Variants in CSF2RB observed in about 807,000 individuals in gnomAD.
CSF2RB encodes cytokine receptor common subunit beta.
A neutral mutation model predicts 67.2 loss-of-function variants in CSF2RB; 22 were observed. That is an observed-to-expected ratio of 0.33 (90% confidence interval 0.23 to 0.47). CSF2RB has a LOEUF of 0.47. CSF2RB is among the 20% of genes least tolerant of loss of function. The pLI is 1.00. For synonymous variants in CSF2RB, 507 were observed against 482.9 expected (o/e 1.05, Z -0.65); for missense variants, 1,113 against 1,174.5 (o/e 0.95, Z 0.76).
intron 3 of CSF2RB, among the ~76,000 whole-genome samples, chr22:36,924,956 T>C (rs1940976265): frequency 6.6e-6 from 1 of 152,070 alleles, no homozygotes; most frequent in Admixed American, 6.5e-5. Flanking sequence ...CTCCCAAAGG[T>C]GACCTCAAGC....
At chr22:36,935,472 A>C (rs771743585) in intron 11 of CSF2RB, 31 bp downstream of exon 11, 15 of 1,612,268 alleles carry the variant, frequency 9.3e-6, no homozygotes, top group Middle Eastern at 3.3e-4. Flanking sequence ...TGGAGGTGGC[A>C]GCCGAGACCC....
At chr22:36,930,539 C>A (rs1258691585) in intron 7 of CSF2RB, 29 bp downstream of exon 7, 1 of 1,612,444 alleles carries the variant, frequency 6.2e-7, no homozygotes, top group East Asian at 2.2e-5. Flanking sequence ...CATCCCCTCC[C>A]CTCCTCTTGG....
intron 4 of CSF2RB, 150 bp from the exon 5 acceptor site, chr22:36,929,252 T>C: frequency 2.0e-6 from 2 of 991,318 alleles, no homozygotes; most frequent in Non-Finnish European, 3.1e-6. Context: ...GGGCTGAGGC[T>C]CACAGAGGAG....
At chr22:36,925,079 G>A (rs748148622) in intron 3 of CSF2RB, among the ~76,000 whole-genome samples, 2 of 152,224 alleles carry the variant, frequency 1.3e-5, no homozygotes, top group East Asian at 1.9e-4. Flanking sequence ...GCTCTCACCC[G>A]AGCTGCGCTG....
At chr22:36,927,039 C>T (rs748856358) in intron 4 of CSF2RB, among the ~76,000 whole-genome samples, 8 of 152,182 alleles carry the variant, frequency 5.3e-5, no homozygotes, top group Admixed American at 6.5e-5. Context: ...GGCCTCTCTA[C>T]TGCTGCTGGC....
At chr22:36,914,986 G>A (rs975141632) in intron 1 of CSF2RB, among the ~76,000 whole-genome samples, 2 of 152,122 alleles carry the variant, frequency 1.3e-5, no homozygotes, top group African/African-American at 4.8e-5. Flanking sequence ...CTTTTCCCTA[G>A]TTCCATAGCT....
At chr22:36,916,493 T>C (rs1940716046) in intron 1 of CSF2RB, among the ~76,000 whole-genome samples, 1 of 152,268 alleles carries the variant, frequency 6.6e-6, no homozygotes, top group African/African-American at 2.4e-5. Flanking sequence ...CATTTGGCTG[T>C]CACTACATTC....
At position 36,937,975 on chromosome 22, in the gene CSF2RB, T is replaced by C; in HGVS notation, c.2167T>C (p.Ser723Pro). Residue 723 changes from serine (S) to proline (P), a missense_variant, in exon 14 of 14, where the codon TCA becomes CCA. Ser to Pro is a moderately conservative substitution (Grantham distance 74). Coordinates refer to ENST00000403662, the MANE Select transcript of CSF2RB (RefSeq NM_000395.3). This position sits in a 1 kb window ranked among gnomAD's most constrained non-coding sequence, Gnocchi z 4.6. ...TGCAGACCTGGTATTCACCCCAAAC[T>C]CAGGGGCCTCGTCTGTCTCCCTAGT... The part of the protein sequence containing the change: ...SSADLVFTPN[S>P]GASSVSLVPS... 6.2e-7 allele frequency: 1 copy of C among 1,614,024 alleles called. No individual in the cohort carries two copies. Among genetic ancestry groups the C allele is most frequent in the Admixed American group, 1.7e-5 (1 of 60,020 alleles).
intron 1 of CSF2RB, among the ~76,000 whole-genome samples, chr22:36,921,458 C>T (rs924487121): frequency 9.3e-5 from 14 of 150,262 alleles, no homozygotes; most frequent in Admixed American, 7.3e-4. Flanking sequence ...TGCGTGTGTC[C>T]GTGTGCTTGT....
intron 8 of CSF2RB, among the ~76,000 whole-genome samples, chr22:36,931,541 G>T (rs778163237): frequency 6.6e-6 from 1 of 152,144 alleles, no homozygotes; most frequent in Non-Finnish European, 1.5e-5. Context: ...GCAAATTACG[G>T]GCATTCATAT....
At position 36,926,188 on chromosome 22, in the gene CSF2RB, G is replaced by A. The variant is rs369381768; in HGVS notation, c.391+11G>A. On this transcript the variant is annotated intron_variant, in intron 4 of 13. Coordinates refer to ENST00000403662, the MANE Select transcript of CSF2RB (RefSeq NM_000395.3). The stretch of plus-strand genomic sequence containing the variant: ...CTCTGACCCAGCATGGTGAGGGGCT[G>A]GGGGCCCTGCCCGGGGCTTGGTTTC... The A allele has an allele frequency of 1.6e-5, 26 of 1,613,054 alleles. No individual in the cohort carries two copies. In the African/African-American group the frequency reaches 3.3e-4, roughly 21 times the overall value.
At chr22:36,925,387 C>T (rs749532354) in intron 3 of CSF2RB, among the ~76,000 whole-genome samples, 6 of 152,182 alleles carry the variant, frequency 3.9e-5, no homozygotes, top group Admixed American at 6.5e-5. Flanking sequence ...TATTCGCAAC[C>T]GAGGACCCTC....
In CSF2RB at chr22:36,923,239, G is replaced by T. The variant is rs374971985; in HGVS notation, c.77-5G>T. ...GAGGTGACCCCCTTCTACCCCTCTT[G>T]TCAGAAACCATCCCGCTGCAGACCC... is the stretch of plus-strand genomic sequence containing the variant. On this transcript the variant is annotated splice_polypyrimidine_tract_variant and splice_region_variant and intron_variant, in intron 2 of 13. Transcript: ENST00000403662. 1.4e-4 allele frequency: 228 copies of T among 1,614,034 alleles called. 1 individual carries two copies. Among genetic ancestry groups the T allele is most frequent in the Non-Finnish European group, 1.9e-4 (225 of 1,180,024 alleles).
rs773038230 is a variant in CSF2RB, at chr22:36,929,416, C to T, written c.406C>T (p.Pro136Ser). 5.6e-6 allele frequency: 9 copies of T among 1,614,194 alleles called. 1 individual carries two copies. The Admixed American group carries it at 1.5e-4, about 27-fold the overall frequency. The change falls in exon 5 of 14, where the codon CCC becomes TCC. Residue 136 changes from proline (P) to serine (S), a missense_variant. Around this residue, in one of 2 missense-constraint regions of CSF2RB, gnomAD observed 559 missense variants for 656.5 expected, o/e 0.85. Transcript: ENST00000403662. ...TLTQHVQPPE[P>S]RDLQISTDQD... is the part of the protein sequence containing the mutation. ...CTCCCCTCCAGTCCAGCCTCCTGAG[C>T]CCAGGGACCTGCAGATCAGCACCGA...
Position 36,932,996 on chromosome 22 carries a change from C to T in CSF2RB, c.1152+92C>T. 12 of 1,518,406 alleles carry T rather than the reference C, an allele frequency of 7.9e-6. 1 individual carries two copies. The South Asian group carries it at 1.4e-4, about 18-fold the overall frequency. 94.1% of individuals were successfully genotyped at this position (1,518,406 alleles called of 1,614,324 possible). The stretch of plus-strand genomic sequence containing the variant: ...GCATTCCACCTGCAAGGCGTCGGGC[C>T]CTTGGCAGGTGACCAGTGAGAGGTA... On this transcript the variant is annotated intron_variant, in intron 9 of 13. Transcript: ENST00000403662.
At chr22:36,917,257 A>G (rs1343643146) in intron 1 of CSF2RB, among the ~76,000 whole-genome samples, 2 of 152,136 alleles carry the variant, frequency 1.3e-5, no homozygotes, top group South Asian at 2.1e-4. Context: ...CCTTCCATGT[A>G]TGGAGTACCC....
chr22:36,923,180 G>A, intron 2 of CSF2RB, 64 bp from the exon 3 acceptor site: 1 of 1,613,086 alleles, frequency 6.2e-7, no homozygotes, highest in South Asian at 1.1e-5. Context: ...AAAGCAGCTG[G>A]GGGTGATGGT....
In CSF2RB at chr22:36,939,194, A is replaced by C. The variant is rs1424477307; in HGVS notation, c.*692A>C. 1 of 702,252 alleles carries C rather than the reference A, an allele frequency of 1.4e-6. No homozygotes were observed. The highest frequency in any genetic ancestry group is 1.5e-5 in the South Asian group (1 of 67,596). The allele number at this position is 702,252 out of a possible 1,614,324, so 43.5% of individuals were successfully genotyped here. ...TTGGGAGCTTCTGGGGAGCCCTGCT[A>C]GTTGTCTCAGTGATGTCTGTGGGAC... On this transcript the variant is annotated 3_prime_UTR_variant, in exon 14 of 14. Coordinates refer to ENST00000403662, the MANE Select transcript of CSF2RB (RefSeq NM_000395.3).
At position 36,937,592 on chromosome 22, in the gene CSF2RB, G is replaced by C; in HGVS notation, c.1784G>C (p.Gly595Ala). Residue 595 changes from glycine (G) to alanine (A), a missense_variant, in exon 14 of 14, where the codon GGG becomes GCG. Gly to Ala is a moderately conservative substitution (Grantham distance 60). Around this residue, in one of 2 missense-constraint regions of CSF2RB, gnomAD observed 554 missense variants for 517.9 expected, o/e 1.07. Coordinates refer to ENST00000403662, the MANE Select transcript of CSF2RB (RefSeq NM_000395.3). The surrounding 1 kb of genome is among the most constrained non-coding windows in gnomAD (Gnocchi z 4.6). ...SSFDFNGPYL[G>A]PPHSRSLPDI... ...TTTGACTTCAATGGGCCCTACCTGG[G>C]GCCGCCCCACAGCCGCTCCCTACCT... is the stretch of plus-strand genomic sequence containing the variant. 4 of 1,596,818 alleles carry C rather than the reference G, an allele frequency of 2.5e-6. No individual in the cohort carries two copies. Among genetic ancestry groups the C allele is most frequent in the South Asian group, 1.1e-5 (1 of 89,510 alleles).
Sources: allele counts gnomAD v4.1 joint callset (sites outside exome capture counted in the v4.1 genomes callset), GRCh38; gene constraint gnomAD v4.1.1; regional missense constraint gnomAD v4.1.1; non-coding constraint Gnocchi (gnomAD v3.1); transcripts MANE v1.5; gene names NCBI Gene and HGNC (gene_info 2026-07-23, HGNC 2026-07-21).